PKD1L1: variants seen among roughly 807,000 people sequenced by gnomAD.
PKD1L1 encodes the protein polycystin 1 like 1, transient receptor potential channel interacting.
A neutral mutation model predicts 323.4 loss-of-function variants in PKD1L1; 236 were observed. That is an observed-to-expected ratio of 0.73 (90% confidence interval 0.66 to 0.81). The LOEUF is 0.81. Among genes scored for constraint, PKD1L1 ranks in the 40% least tolerant of loss-of-function variants. The pLI is 0.00. For synonymous variants in PKD1L1, 1,344 were observed against 1,335.0 expected (o/e 1.01, Z -0.15); for missense variants, 3,320 against 3,508.0 (o/e 0.95, Z 1.35).
chr7:47,947,958 A>C (rs554769037), intron 1 of PKD1L1, among the ~76,000 whole-genome samples: 143 of 151,604 alleles, frequency 9.4e-4, no homozygotes, highest in African/African-American at 3.2e-3. Context: ...ACAGAGAGAG[A>C]CTCCGTCTCA....
chr7:47,858,154 G>A (rs891911439), intron 27 of PKD1L1, among the ~76,000 whole-genome samples: 14 of 152,126 alleles, frequency 9.2e-5, no homozygotes, highest in South Asian at 2.1e-4. Flanking sequence ...GAAGAGGAAC[G>A]CCAGAAGCCT....
intron 26 of PKD1L1, among the ~76,000 whole-genome samples, chr7:47,859,627 ATTT>A (rs34815905): frequency 8.1e-6 from 1 of 123,630 alleles, no homozygotes. Flanking sequence ...AAAGACATAC[ATTT>A]TTTTTTTTTT....
chr7:47,823,814 C>T (rs1370217756), intron 45 of PKD1L1, among the ~76,000 whole-genome samples: 1 of 152,160 alleles, frequency 6.6e-6, no homozygotes, highest in Non-Finnish European at 1.5e-5. Context: ...ATGTGGTTTC[C>T]CAGGGGTATG....
At chr7:47,800,401 T>C (rs1163974667) in intron 54 of PKD1L1, among the ~76,000 whole-genome samples, 3 of 152,190 alleles carry the variant, frequency 2.0e-5, no homozygotes, top group Non-Finnish European at 4.4e-5. Flanking sequence ...CCAGGGAAGC[T>C]TCCTGGAGGA....
the PKD1L1 span, among the ~76,000 whole-genome samples, chr7:47,957,722 G>A: frequency 1.3e-5 from 2 of 151,748 alleles, no homozygotes; most frequent in East Asian, 1.9e-4. Flanking sequence ...TGGCAAACTC[G>A]CGAGCTCAAG....
chr7:47,909,787 T>G (rs915244384), intron 8 of PKD1L1, among the ~76,000 whole-genome samples: 1 of 152,232 alleles, frequency 6.6e-6, no homozygotes, highest in Non-Finnish European at 1.5e-5. Context: ...TGGAATAATA[T>G]GTGGATCTAC....
chr7:47,852,136 G>A (rs1420996045), intron 31 of PKD1L1, among the ~76,000 whole-genome samples: 1 of 151,974 alleles, frequency 6.6e-6, no homozygotes, highest in African/African-American at 2.4e-5. Flanking sequence ...TCTCTCTAAC[G>A]GCTTGTCCTC....
At chr7:47,796,622 G>C (rs1389015977) in intron 54 of PKD1L1, among the ~76,000 whole-genome samples, 3 of 152,244 alleles carry the variant, frequency 2.0e-5, no homozygotes, top group Admixed American at 2.0e-4. Context: ...CTTCACTGCA[G>C]GCTGTAAGCT....
In PKD1L1 at chr7:47,948,455, G is replaced by T; in HGVS notation, c.-15C>A. On this transcript the variant is annotated 5_prime_UTR_variant, in exon 1 of 57. Coordinates refer to ENST00000289672, the MANE Select transcript of PKD1L1 (RefSeq NM_138295.5). ...TCCTCGGCCATGTCCTGTGCAAGCT[G>T]GTCACAAGTATGACAGTCAGCAGAC... 1 of 1,613,856 alleles carries T rather than the reference G, an allele frequency of 6.2e-7. No individual in the cohort carries two copies. Among genetic ancestry groups the T allele is most frequent in the Non-Finnish European group, 8.5e-7 (1 of 1,179,942 alleles).
chr7:47,876,226 C>T lies in PKD1L1; in HGVS notation c.3664-9G>A, dbSNP rs377651734. ...AATTCATAATGGAAGTCCTATGATC[C>T]AGTCCAAGGGAGCAAAAATAGTATA... On this transcript the variant is annotated splice_polypyrimidine_tract_variant and intron_variant, in intron 22 of 56. Transcript: ENST00000289672. 5.8e-5 allele frequency: 94 copies of T among 1,613,404 alleles called. No homozygotes were observed. The highest frequency in any genetic ancestry group is 7.7e-5 in the Non-Finnish European group (91 of 1,179,620).
intron 56 of PKD1L1, among the ~76,000 whole-genome samples, chr7:47,779,704 C>T (rs1410652539): frequency 1.3e-5 from 2 of 152,136 alleles, no homozygotes; most frequent in East Asian, 1.9e-4. Flanking sequence ...GCAGAAAGTG[C>T]GAACATATGG....
intron 24 of PKD1L1, among the ~76,000 whole-genome samples, chr7:47,871,167 T>C (rs1315730760): frequency 6.7e-6 from 1 of 148,604 alleles, no homozygotes; most frequent in African/African-American, 2.4e-5. Flanking sequence ...AAAAGATGTA[T>C]ACATCATGAC....
intron 7 of PKD1L1, among the ~76,000 whole-genome samples, chr7:47,925,536 TG>T (rs1787640116): frequency 6.6e-6 from 1 of 152,160 alleles, no homozygotes; most frequent in South Asian, 2.1e-4. Context: ...TCCAACCTAC[TG>T]AATGGACCCC....
chr7:47,911,241 T>G (rs1176364648), intron 8 of PKD1L1, among the ~76,000 whole-genome samples: 1 of 152,148 alleles, frequency 6.6e-6, no homozygotes, highest in Admixed American at 6.5e-5. Context: ...TCTCTCTCAT[T>G]TCTGCTTTTA....
At chr7:47,810,784 GA>G (rs1202695548) in intron 50 of PKD1L1, among the ~76,000 whole-genome samples, 3 of 152,214 alleles carry the variant, frequency 2.0e-5, no homozygotes, top group Non-Finnish European at 4.4e-5. Context: ...ATTGTTCAGT[GA>G]AGCTATGTGG....
At chr7:47,943,567 C>T in intron 1 of PKD1L1, 56 bp from the exon 2 acceptor site, 2 of 1,384,470 alleles carry the variant, frequency 1.4e-6, no homozygotes, top group Non-Finnish European at 2.0e-6. Context: ...CGTTTAATCA[C>T]AGACATCCTG....
chr7:47,796,999 CA>C (rs10600940), intron 54 of PKD1L1, among the ~76,000 whole-genome samples: 7,508 of 129,234 alleles, frequency 0.058, 239 homozygotes, highest in South Asian at 0.15. Context: ...GACTCCGTCT[CA>C]AAAAAAAAAA....
chr7:47,956,076 C>A, the PKD1L1 span, among the ~76,000 whole-genome samples: 1 of 152,148 alleles, frequency 6.6e-6, no homozygotes, highest in Admixed American at 6.5e-5. Flanking sequence ...CTAGCAAATA[C>A]CCAGTGGCAA....
rs1054402938 is a variant in PKD1L1 at position 47,880,893 on chromosome 7, C to T, written c.3443-88G>A. ...AGAGTCCTTGGAAATGAGTTCCACT[C>T]TTCCCCCAGGGGTGAAATTAACATA... On this transcript the variant is annotated intron_variant, in intron 20 of 56. Transcript: ENST00000289672. 2.9e-6 allele frequency: 3 copies of T among 1,021,704 alleles called. No homozygotes were observed. In the African/African-American group the frequency reaches 5.0e-5, roughly 17 times the overall value. The allele number at this position is 1,021,704 out of a possible 1,614,324, so 63.3% of individuals were successfully genotyped here. A position where few individuals can be genotyped will look rare whatever the true frequency, so the allele number is the denominator to read the frequency against.
Sources: allele counts gnomAD v4.1 joint callset (sites outside exome capture counted in the v4.1 genomes callset), GRCh38; gene constraint gnomAD v4.1.1; transcripts MANE v1.5; gene names NCBI Gene and HGNC (gene_info 2026-07-23, HGNC 2026-07-21).